SBK1: variants seen among roughly 807,000 people sequenced by gnomAD.
The protein encoded by SBK1 is serine/threonine-protein kinase SBK1.
Under a neutral mutation model 24.4 loss-of-function variants are expected in SBK1, and 11 were observed. The ratio of observed to expected loss-of-function variants is 0.45; its 90% CI spans 0.28 to 0.75. SBK1 has a LOEUF of 0.75. SBK1 is among the 30% of genes least tolerant of loss of function. The probability of loss-of-function intolerance (pLI) is 0.12; values close to 1 mark genes in which losing one functional copy is unlikely to be tolerated. For missense variants in SBK1, 467 were observed against 620.5 expected, an observed-to-expected ratio of 0.75 and a Z score of 2.63; for synonymous variants, 308 against 284.4, an observed-to-expected ratio of 1.08 and a Z score of -0.83.
intron 1 of SBK1, among the ~76,000 whole-genome samples, chr16:28,280,239 A>G (rs1377601668): frequency 7.1e-6 from 1 of 141,060 alleles, no homozygotes; most frequent in African/African-American, 2.6e-5. Context: ...ATATACATAT[A>G]TACGTATATA....
intron 1 of SBK1, among the ~76,000 whole-genome samples, chr16:28,287,234 A>T (rs1036009127): frequency 6.7e-6 from 1 of 149,856 alleles, no homozygotes; most frequent in African/African-American, 2.5e-5. Flanking sequence ...CAAAGTCAGG[A>T]GTTTGAGACC....
intron 1 of SBK1, among the ~76,000 whole-genome samples, chr16:28,280,430 G>C (rs2044526926): frequency 6.7e-6 from 1 of 150,172 alleles, no homozygotes; most frequent in South Asian, 2.1e-4. Context: ...CCTGGCCTCA[G>C]GCAGTCTTCC....
intron 1 of SBK1, among the ~76,000 whole-genome samples, chr16:28,297,613 C>T (rs887178054): frequency 6.6e-6 from 1 of 152,138 alleles, no homozygotes; most frequent in Non-Finnish European, 1.5e-5. Context: ...GGCCTCAGTG[C>T]CCTCATCTAT....
intron 1 of SBK1, among the ~76,000 whole-genome samples, chr16:28,315,847 C>G (rs1259122842): frequency 1.3e-5 from 2 of 152,132 alleles, no homozygotes; most frequent in African/African-American, 4.8e-5. Flanking sequence ...CTCACTGCAG[C>G]CTCCACCTCC....
intron 1 of SBK1, among the ~76,000 whole-genome samples, chr16:28,265,480 G>A (rs1043761257): frequency 2.0e-5 from 3 of 151,616 alleles, no homozygotes; most frequent in East Asian, 2.0e-4. Context: ...AGCTACTTGG[G>A]AGGAGGCTAA....
rs1466551773 is a variant in SBK1, at chr16:28,298,886, C to G, written c.-8+5586C>G. ...CTGGGCCCAGAGAGGCTGTATAGCGCTGGGCCCCCACTGCCTCCAGGGCAG... is the reference window on the plus strand; with the variant it reads ...CTGGGCCCAGAGAGGCTGTATAGCGGTGGGCCCCCACTGCCTCCAGGGCAG... On this transcript the variant is annotated intron_variant, in intron 1 of 3. Transcript: ENST00000341901. Among the ~76,000 whole-genome samples, 3 of 152,356 alleles carry G rather than the reference C, an allele frequency of 2.0e-5. No individual in the cohort carries two copies. In the South Asian group the frequency reaches 6.2e-4, roughly 32 times the overall value.
intron 1 of SBK1, chr16:28,287,123 A>C (rs1054559643): frequency 2.5e-4 from 37 of 149,630 alleles, no homozygotes; most frequent in Admixed American, 6.0e-4. Context: ...ATAAAACTAA[A>C]TAAATAAATA....
chr16:28,303,507 CTTTTTTTTTTTTT>C (rs143613970), intron 1 of SBK1, among the ~76,000 whole-genome samples: 2 of 58,080 alleles, frequency 3.4e-5, no homozygotes, highest in Non-Finnish European at 6.0e-5. Flanking sequence ...CTTTTCTTTT[CTTTTTTTTTTTTT>C]TTTTTTTTTT....
rs191473639 is a variant in SBK1 at position 28,269,970 on chromosome 16, C to T, written c.257+10468C>T. ...AAGACACTGGGACAAGAAGAAAATT[C>T]TCCAAAATTGTATAGAGTATCAAGA... On this transcript the variant is annotated intron_variant, in intron 1 of 3. Coordinates refer to the SBK1 transcript ENST00000671413. 8.5e-5 allele frequency among the ~76,000 whole-genome samples: 13 copies of T among 152,266 alleles called. No individual in the cohort carries two copies. In the East Asian group the frequency reaches 2.5e-3, roughly 29 times the overall value.
rs943709792 is a variant in SBK1, at chr16:28,317,919, A to G, written c.226+302A>G. Among the ~76,000 whole-genome samples, 2 of 150,982 alleles carry G rather than the reference A, an allele frequency of 1.3e-5. No homozygotes were observed. The highest frequency in any genetic ancestry group is 4.9e-5 in the African/African-American group (2 of 40,918). ...GGGGCTGTGCCAGGAGTGTCTGGGG[A>G]GGGCAGGGCTGCCGGCTGTGTCTGA... On this transcript the variant is annotated intron_variant, in intron 2 of 3. Coordinates refer to ENST00000341901, the MANE Select transcript of SBK1 (RefSeq NM_001024401.3). This position sits in a 1 kb window ranked among gnomAD's most constrained non-coding sequence, Gnocchi z 4.2.
chr16:28,282,919 A>ATTTG, intron 1 of SBK1, among the ~76,000 whole-genome samples: 1 of 150,412 alleles, frequency 6.6e-6, no homozygotes, highest in East Asian at 1.9e-4. Context: ...TTATTTATTT[A>ATTTG]TTTATTTATT....
intron 2 of SBK1, among the ~76,000 whole-genome samples, chr16:28,318,195 TCA>T (rs1237687599): frequency 6.6e-6 from 1 of 152,150 alleles, no homozygotes; most frequent in African/African-American, 2.4e-5. Context: ...TGTCGCTTAG[TCA>T]CTGAGCTTGA....
At chr16:28,284,814 C>A (rs2044555546) in intron 1 of SBK1, 1 of 152,162 alleles carries the variant, frequency 6.6e-6, no homozygotes, top group South Asian at 2.1e-4. Flanking sequence ...TTTTTAAGAT[C>A]CCATTTTAAA....
chr16:28,277,797 T>C (rs1040716049), intron 1 of SBK1, among the ~76,000 whole-genome samples: 2 of 152,104 alleles, frequency 1.3e-5, no homozygotes, highest in African/African-American at 4.8e-5. Context: ...GAGAACCAGA[T>C]AGAACAGAGA....
chr16:28,309,850 G>A (rs1375362304), intron 1 of SBK1, among the ~76,000 whole-genome samples: 1 of 152,208 alleles, frequency 6.6e-6, no homozygotes, highest in Non-Finnish European at 1.5e-5. Flanking sequence ...ACGTGTGTCT[G>A]TGTGTGTGCG....
intron 1 of SBK1, among the ~76,000 whole-genome samples, chr16:28,307,934 C>T (rs2044728411): frequency 6.6e-6 from 1 of 152,090 alleles, no homozygotes; most frequent in Non-Finnish European, 1.5e-5. Flanking sequence ...TAGCACAGTG[C>T]CTGGCATATA....
chr16:28,280,149 A>ATATATATATATGTGTGTGTGTGTGTGTG (rs1230385223), intron 1 of SBK1, among the ~76,000 whole-genome samples: 5 of 39,406 alleles, frequency 1.3e-4, no homozygotes, highest in South Asian at 1.7e-3. Flanking sequence ...ATATATATAT[A>ATATATATATATGTGTGTGTGTGTGTGTG]TGTGTGTGTG....
chr16:28,305,523 C>T (rs1407630200), intron 1 of SBK1, among the ~76,000 whole-genome samples: 2 of 147,324 alleles, frequency 1.4e-5, no homozygotes, highest in South Asian at 2.2e-4. Context: ...CAATCTGTCT[C>T]TCTTTCTTTG....
chr16:28,317,670 G>A lies in SBK1; in HGVS notation c.226+53G>A. The A allele has an allele frequency of 9.2e-7, 1 of 1,090,472 alleles. No homozygotes were observed. The highest frequency in any genetic ancestry group is 1.3e-5 in the South Asian group (1 of 79,252). 67.5% of individuals were successfully genotyped at this position (1,090,472 alleles called of 1,614,324 possible). A position where few individuals can be genotyped will look rare whatever the true frequency, so the allele number is the denominator to read the frequency against. On this transcript the variant is annotated intron_variant, in intron 2 of 3. Transcript: ENST00000341901. The surrounding 1 kb of genome is among the most constrained non-coding windows in gnomAD (Gnocchi z 4.2). ...AGAGGTTGGGGTGGGGCAGGGCTGG[G>A]AGGTCAGGGTTGGGGGACATGACCT... is the stretch of plus-strand genomic sequence containing the variant.
Sources: gnomAD v4.1 joint callset for allele counts (sites outside exome capture counted in the v4.1 genomes callset) on GRCh38, gnomAD v4.1.1 for gene constraint, Gnocchi (gnomAD v3.1) non-coding constraint, MANE v1.5 for transcripts, NCBI Gene and HGNC (gene_info 2026-07-23, HGNC 2026-07-21) for gene names.